The following MMP2 variants were observed in gnomAD, a reference collection of about 807,000 sequenced individuals.
MMP2 encodes matrix metallopeptidase 2.
Under a neutral mutation model 74.8 loss-of-function variants are expected in MMP2, and 39 were observed. The observed-to-expected ratio is 0.52, with a 90% CI of 0.40 to 0.68. The LOEUF is 0.68. MMP2 is among the 30% of genes least tolerant of loss of function. The pLI is 0.00. For missense variants in MMP2, 803 were observed against 878.3 expected (o/e 0.91, Z 1.08); for synonymous variants, 367 against 339.8 (o/e 1.08, Z -0.88).
In MMP2 at chr16:55,500,494, T is replaced by TACACACACACACACACACACACACACAC. The variant is rs55996787; in HGVS notation, c.1769+2064_1769+2091dup. ...ACATGATTGTGTGCGCATGTGCGCA[T>TACACACACACACACACACACACACACAC]ACACACACACACACACACACACACA... is the stretch of plus-strand genomic sequence containing the variant. On this transcript the variant is annotated intron_variant, in intron 11 of 12. Coordinates refer to ENST00000219070, the MANE Select transcript of MMP2 (RefSeq NM_004530.6). 7.0e-4 allele frequency among the ~76,000 whole-genome samples: 96 copies of TACACACACACACACACACACACACACAC among 136,262 alleles called. 2 individuals carry two copies. The highest frequency in any genetic ancestry group is 6.6e-3 in the East Asian group (28 of 4,216). The allele number at this position is 136,262 out of a possible 152,430, so 89.4% of individuals were successfully genotyped here. A position where few individuals can be genotyped will look rare whatever the true frequency, so the allele number is the denominator to read the frequency against.
intron 10 of MMP2, among the ~76,000 whole-genome samples, chr16:55,497,527 C>T (rs939586193): frequency 5.3e-5 from 8 of 152,234 alleles, no homozygotes; most frequent in East Asian, 1.9e-4. Context: ...AGGACAGAAA[C>T]GGATTATTCA....
intron 9 of MMP2, among the ~76,000 whole-genome samples, chr16:55,495,752 T>C (rs1463928932): frequency 6.6e-6 from 1 of 152,088 alleles, no homozygotes; most frequent in Non-Finnish European, 1.5e-5. Flanking sequence ...AGTCCAGGGG[T>C]AGAGCTGCCT....
rs755113762 is a variant in MMP2 at position 55,497,065 on chromosome 16, G to A, written c.1609+3G>A. The A allele has an allele frequency of 3.7e-6, 6 of 1,613,968 alleles. No individual in the cohort carries two copies. Among genetic ancestry groups the A allele is most frequent in the Non-Finnish European group, 5.1e-6 (6 of 1,180,046 alleles). ...GGAGAAGGCTGTGTTCTTTGCAGGT[G>A]TGTGGGAAGCACCCTTCCTTGGCCC... On this transcript the variant is annotated splice_donor_region_variant and intron_variant, in intron 10 of 12. Coordinates refer to ENST00000219070, the MANE Select transcript of MMP2 (RefSeq NM_004530.6).
chr16:55,491,754 A>T (rs773037231), intron 7 of MMP2, 47 bp from the exon 8 acceptor site: 83 of 1,610,066 alleles, frequency 5.2e-5, no homozygotes, highest in Middle Eastern at 3.3e-4. Context: ...CTTCTCTCTC[A>T]TCTCTCTTCC....
intron 10 of MMP2, among the ~76,000 whole-genome samples, chr16:55,497,854 G>C (rs994760248): frequency 6.6e-6 from 1 of 152,204 alleles, no homozygotes; most frequent in African/African-American, 2.4e-5. Context: ...CCCTGTCCTG[G>C]TCTGAGGTGG....
chr16:55,496,354 G>T (rs571905573), intron 9 of MMP2, among the ~76,000 whole-genome samples: 2 of 152,276 alleles, frequency 1.3e-5, no homozygotes, highest in African/African-American at 4.8e-5. Flanking sequence ...AAGAAGGATG[G>T]TGGGGAAATA....
rs1174828705 is a variant in MMP2 at position 55,479,386 on chromosome 16, T to G, written c.-94T>G. On this transcript the variant is annotated 5_prime_UTR_variant, in exon 1 of 13. Coordinates refer to ENST00000219070, the MANE Select transcript of MMP2 (RefSeq NM_004530.6). The stretch of plus-strand genomic sequence containing the variant: ...CCAGCGGACCCTCGGAGCGCAGCCC[T>G]GCGCCGCGGAGCAGGCTCCAACCAG... 10 of 1,335,328 alleles carry G rather than the reference T, an allele frequency of 7.5e-6. No homozygotes were observed. In the African/African-American group the frequency reaches 1.4e-4, roughly 19 times the overall value. 82.7% of individuals were successfully genotyped at this position (1,335,328 alleles called of 1,614,324 possible). A position where few individuals can be genotyped will look rare whatever the true frequency, so the allele number is the denominator to read the frequency against.
rs112710941 is a variant in MMP2 at position 55,483,099 on chromosome 16, G to A, written c.344G>A (p.Arg115His). ...GTGGCCAACTACAACTTCTTCCCTC[G>A]CAAGCCCAAGTGGGACAAGAACCAG... is the stretch of plus-strand genomic sequence containing the variant. The part of the protein sequence containing the change: ...PDVANYNFFP[R>H]KPKWDKNQIT... Residue 115 changes from arginine to histidine, a missense_variant, in exon 2 of 13, where the codon CGC (arginine) becomes CAC (histidine). Coordinates refer to ENST00000219070, the MANE Select transcript of MMP2 (RefSeq NM_004530.6). The A allele has an allele frequency of 8.1e-6, 13 of 1,614,074 alleles. No homozygotes were observed. In the Admixed American group the frequency reaches 1.2e-4, roughly 14 times the overall value.
At chr16:55,489,104 TTTA>T (rs1320345543) in intron 6 of MMP2, among the ~76,000 whole-genome samples, 1 of 152,184 alleles carries the variant, frequency 6.6e-6, no homozygotes. Context: ...TAGTCTGTTT[TTTA>T]TTAAGAGCTC....
intron 10 of MMP2, among the ~76,000 whole-genome samples, chr16:55,497,640 C>T (rs1462822745): frequency 6.6e-6 from 1 of 152,144 alleles, no homozygotes; most frequent in Non-Finnish European, 1.5e-5. Flanking sequence ...AATAATAGTA[C>T]AGGGAGCCCC....
At position 55,488,534 on chromosome 16, in the gene MMP2, C is replaced by G. The variant is rs367980862; in HGVS notation, c.833-9C>G. ...CATTCACATCCTTCCCTCTCTCCCC[C>G]ACCCTTAGCCCTGTTCACCATGGGC... On this transcript the variant is annotated splice_polypyrimidine_tract_variant and intron_variant, in intron 5 of 12. Coordinates refer to ENST00000219070, the MANE Select transcript of MMP2 (RefSeq NM_004530.6). 3.1e-6 allele frequency: 5 copies of G among 1,613,386 alleles called. No individual in the cohort carries two copies. Among genetic ancestry groups the G allele is most frequent in the Admixed American group, 1.7e-5 (1 of 59,990 alleles).
chr16:55,497,144 C>T, intron 10 of MMP2, 82 bp downstream of exon 10: 2 of 1,583,996 alleles, frequency 1.3e-6, no homozygotes, highest in Non-Finnish European at 1.7e-6. Flanking sequence ...GCTCACTCCC[C>T]CTCTCAAACC....
At chr16:55,491,981 G>A (rs1962419111) in intron 8 of MMP2, 25 bp downstream of exon 8, 3 of 1,583,334 alleles carry the variant, frequency 1.9e-6, no homozygotes, top group Non-Finnish European at 2.6e-6. Flanking sequence ...GGGGGTTGGG[G>A]GTGGAGGGTG....
chr16:55,502,193 G>A lies in MMP2; in HGVS notation c.1770-586G>A, dbSNP rs1390075667. ...CAGCCATGGTCATCTCCCAGGGCAG[G>A]GACTGTCATCTCCCTGTGGCAGATG... On this transcript the variant is annotated intron_variant, in intron 11 of 12. Transcript: ENST00000219070. Among the ~76,000 whole-genome samples the A allele has an allele frequency of 2.6e-5, 4 of 152,098 alleles. No individual in the cohort carries two copies. The South Asian group carries it at 8.3e-4, about 32-fold the overall frequency.
At chr16:55,498,884 G>T (rs768570217) in intron 11 of MMP2, among the ~76,000 whole-genome samples, 2 of 152,138 alleles carry the variant, frequency 1.3e-5, no homozygotes, top group African/African-American at 4.8e-5. Flanking sequence ...TTAGGTAACC[G>T]TGGCTGGGCA....
intron 9 of MMP2, 145 bp from the exon 10 acceptor site, chr16:55,496,781 T>A (rs1962537476): frequency 1.8e-6 from 2 of 1,128,762 alleles, no homozygotes; most frequent in Admixed American, 2.0e-5. Context: ...TCTCCAGTCC[T>A]TCTCCAACCT....
At position 55,491,951 on chromosome 16, in the gene MMP2, T is replaced by A. The variant is rs1962417500; in HGVS notation, c.1331T>A (p.Leu444His). The A allele has an allele frequency of 6.3e-7, 1 of 1,594,386 alleles. No individual in the cohort carries two copies. Among genetic ancestry groups the A allele is most frequent in the Non-Finnish European group, 8.6e-7 (1 of 1,169,204 alleles). Residue 444 changes from leucine (L) to histidine (H), a missense_variant, in exon 8 of 13, where the codon CTC becomes CAC. Around this residue, in one of 3 missense-constraint regions of MMP2, gnomAD observed 555 missense variants for 592.0 expected, o/e 0.94. Transcript: ENST00000219070. ...SQDDIKGIQE[L>H]YGASPDIDLG... is the part of the protein sequence containing the mutation. ...GATGACATCAAGGGCATTCAGGAGC[T>A]CTATGGTAAACCTCCGGGCGGGGGT...
At chr16:55,500,738 A>G (rs546788390) in intron 11 of MMP2, among the ~76,000 whole-genome samples, 1 of 152,214 alleles carries the variant, frequency 6.6e-6, no homozygotes, top group Non-Finnish European at 1.5e-5. Flanking sequence ...TCCAAAGGAG[A>G]CAGATCTCTA....
Position 55,491,939 on chromosome 16 carries a change from G to A in MMP2, c.1319G>A (p.Gly440Asp). ...NFRLSQDDIKGIQELYGASPD... is the reference protein window; with the variant it reads ...NFRLSQDDIKDIQELYGASPD... ...CGTCTGTCCCAGGATGACATCAAGG[G>A]CATTCAGGAGCTCTATGGTAAACCT... Residue 440 changes from glycine (G) to aspartate (D), a missense_variant, in exon 8 of 13, where the codon GGC (glycine) becomes GAC (aspartate). Transcript: ENST00000219070. 3.7e-6 allele frequency: 6 copies of A among 1,603,598 alleles called. No homozygotes were observed. Among genetic ancestry groups the A allele is most frequent in the Non-Finnish European group, 5.1e-6 (6 of 1,175,346 alleles).
Sources: allele counts gnomAD v4.1 joint callset (sites outside exome capture counted in the v4.1 genomes callset), GRCh38; gene constraint gnomAD v4.1.1; regional missense constraint gnomAD v4.1.1; transcripts MANE v1.5; gene names NCBI Gene and HGNC (gene_info 2026-07-23, HGNC 2026-07-21).